HIF1A: variants seen among roughly 807,000 people sequenced by gnomAD.
The protein encoded by HIF1A is hypoxia-inducible factor 1-alpha.
In HIF1A, 24 loss-of-function variants were observed where a neutral mutation model predicts 92.7. The ratio of observed to expected loss-of-function variants is 0.26; its 90% CI spans 0.19 to 0.36. HIF1A has a LOEUF of 0.36. Among genes scored for constraint, HIF1A ranks in the 10% least tolerant of loss-of-function variants. The pLI is 1.00. For synonymous variants in HIF1A, 319 were observed against 338.7 expected, an observed-to-expected ratio of 0.94 and a Z score of 0.64; for missense variants, 799 against 998.5, an observed-to-expected ratio of 0.80 and a Z score of 2.69.
intron 1 of HIF1A, among the ~76,000 whole-genome samples, chr14:61,719,629 C>T (rs570716677): frequency 6.6e-6 from 1 of 152,180 alleles, no homozygotes; most frequent in Admixed American, 6.5e-5. Flanking sequence ...TTCTGATTTC[C>T]TTCTTGGAAG....
intron 8 of HIF1A, 46 bp from the exon 9 acceptor site, chr14:61,736,843 T>TATC: frequency 7.6e-7 from 1 of 1,320,870 alleles, no homozygotes; most frequent in Non-Finnish European, 1.1e-6. Context: ...CCCCTCACTG[T>TATC]ATCAAGTGCT....
At chr14:61,723,618 A>G (rs1957755) in intron 4 of HIF1A, among the ~76,000 whole-genome samples, 149,311 of 152,334 alleles carry the variant, frequency 0.98, 73,237 homozygotes, top group Middle Eastern at 1. Context: ...TATGCTGTGA[A>G]CAAGGACCTA....
chr14:61,707,756 A>C (rs1197161660), intron 1 of HIF1A, among the ~76,000 whole-genome samples: 5 of 150,778 alleles, frequency 3.3e-5, no homozygotes, highest in African/African-American at 9.8e-5. Flanking sequence ...GAATAGTGCC[A>C]CAATAAACAT....
rs780456004 is a variant in HIF1A, at chr14:61,741,080, C to A, written c.1985C>A (p.Thr662Asn). 6.2e-7 allele frequency: 1 copy of A among 1,613,930 alleles called. No homozygotes were observed. The highest frequency in any genetic ancestry group is 1.1e-5 in the South Asian group (1 of 91,086). The change falls in exon 12 of 15, where the codon ACT (threonine) becomes AAT (asparagine). Residue 662 changes from threonine (T) to asparagine (N), a missense_variant. By Grantham distance (65) the Thr-to-Asn change is moderately conservative. Coordinates refer to ENST00000337138, the MANE Select transcript of HIF1A (RefSeq NM_001530.4). Reference protein sequence around the residue: ...TSATSSPYRDTQSRTASPNRA... With the variant: ...TSATSSPYRDNQSRTASPNRA... ...GCCACATCATCACCATATAGAGATA[C>A]TCAAAGTCGGACAGCCTCACCAAAC...
At position 61,720,494 on chromosome 14, in the gene HIF1A, G is replaced by C. The variant is rs61755705; in HGVS notation, c.148G>C (p.Val50Leu). ...LAHQLPLPHNVSSHLDKASVM... is the reference protein window; with the variant it reads ...LAHQLPLPHNLSSHLDKASVM... ...TCATCAGTTGCCACTTCCACATAAT[G>C]TGAGTTCGCATCTTGATAAGGCCTC... is the stretch of plus-strand genomic sequence containing the variant. Residue 50 changes from valine (V) to leucine (L), a missense_variant, in exon 2 of 15, where the codon GTG (valine) becomes CTG (leucine). Coordinates refer to ENST00000337138, the MANE Select transcript of HIF1A (RefSeq NM_001530.4). 4,964 of 1,613,578 alleles carry C rather than the reference G, an allele frequency of 3.1e-3. 16 individuals are homozygous for C. The highest frequency in any genetic ancestry group is 3.6e-3 in the Non-Finnish European group (4,204 of 1,179,722).
Position 61,727,025 on chromosome 14 carries a change from C to T in HIF1A, c.570+207C>T, listed in dbSNP as rs149096087. The stretch of plus-strand genomic sequence containing the variant: ...CAATTTGAGGCACAAACTTAAATTA[C>T]GTGAATTGTGGCACTGGTGTTCCAG... On this transcript the variant is annotated intron_variant, in intron 5 of 14. Transcript: ENST00000337138. Among the ~76,000 whole-genome samples, 414 of 152,304 alleles carry T rather than the reference C, an allele frequency of 2.7e-3. 4 individuals are homozygous for T. The highest frequency in any genetic ancestry group is 9.2e-3 in the African/African-American group (382 of 41,572).
chr14:61,734,373 T>C, intron 8 of HIF1A, 88 bp downstream of exon 8: 1 of 875,204 alleles, frequency 1.1e-6, no homozygotes, highest in Non-Finnish European at 1.7e-6. Context: ...GATAAGATAA[T>C]AAATATTAAC....
intron 1 of HIF1A, among the ~76,000 whole-genome samples, chr14:61,707,481 G>A (rs1163299791): frequency 3.5e-5 from 5 of 143,628 alleles, no homozygotes; most frequent in Admixed American, 6.9e-5. Context: ...AACAGGCCCC[G>A]GCGTGTGATG....
chr14:61,698,040 A>G (rs1022463800), intron 1 of HIF1A: 97 of 681,362 alleles, frequency 1.4e-4, no homozygotes, highest in Non-Finnish European at 2.1e-4. Flanking sequence ...TAGCACGTGC[A>G]TTTTGATTTT....
rs1160674321 is a variant in HIF1A, at chr14:61,746,920, CTT to C, written c.2330-11_2330-10del. On this transcript the variant is annotated splice_polypyrimidine_tract_variant and intron_variant, in intron 14 of 14. Transcript: ENST00000337138. ...TAGATGAATGTATACTTAGGTATCT[CTT>C]TTGTTTTTCAGATTTAGCATGTAGA... The C allele has an allele frequency of 1.3e-6, 2 of 1,586,032 alleles. No homozygotes were observed. The highest frequency in any genetic ancestry group is 1.7e-6 in the Non-Finnish European group (2 of 1,164,076).
At chr14:61,740,703 T>G in intron 11 of HIF1A, 52 bp from the exon 12 acceptor site, 2 of 1,549,662 alleles carry the variant, frequency 1.3e-6, no homozygotes, top group South Asian at 2.4e-5. Flanking sequence ...CACTTGTTTT[T>G]TATTTATAAG....
chr14:61,695,605 G>C lies in HIF1A; in HGVS notation c.-200G>C, dbSNP rs2044103053. 1.6e-6 allele frequency: 1 copy of C among 613,358 alleles called. No homozygotes were observed. 38.0% of individuals were successfully genotyped at this position (613,358 alleles called of 1,614,324 possible). A position where few individuals can be genotyped will look rare whatever the true frequency, so the allele number is the denominator to read the frequency against. On this transcript the variant is annotated 5_prime_UTR_variant, in exon 1 of 15. Coordinates refer to ENST00000337138, the MANE Select transcript of HIF1A (RefSeq NM_001530.4). ...CGGGCTGGGCCCTGACAAGCCACCT[G>C]AGGAGAGGCTCGGAGCCGGGCCCGG...
rs1303881760 is a variant in HIF1A, at chr14:61,724,980, C to T, written c.458-1726C>T. Among the ~76,000 whole-genome samples, 7 of 152,156 alleles carry T rather than the reference C, an allele frequency of 4.6e-5. No homozygotes were observed. In the South Asian group the frequency reaches 6.2e-4, roughly 13 times the overall value. On this transcript the variant is annotated intron_variant, in intron 4 of 14. Coordinates refer to ENST00000337138, the MANE Select transcript of HIF1A (RefSeq NM_001530.4). ...CTAGCTTTGCCTTACTACTCTTCTA[C>T]GTGTACTCTACATTGTGGACAAACT...
At chr14:61,718,480 C>A (rs188904613) in intron 1 of HIF1A, among the ~76,000 whole-genome samples, 2 of 152,284 alleles carry the variant, frequency 1.3e-5, no homozygotes, top group South Asian at 2.1e-4. Context: ...GATACCCCCC[C>A]ATCCTGGGAA....
At chr14:61,742,985 AGAG>A (rs1403705493) in intron 12 of HIF1A, among the ~76,000 whole-genome samples, 1 of 151,926 alleles carries the variant, frequency 6.6e-6, no homozygotes, top group Non-Finnish European at 1.5e-5. Flanking sequence ...TATCAGCTAC[AGAG>A]GATGGGATAT....
intron 1 of HIF1A, among the ~76,000 whole-genome samples, chr14:61,711,336 CTG>C (rs1429299445): frequency 2.0e-5 from 3 of 149,434 alleles, no homozygotes; most frequent in African/African-American, 7.4e-5. Context: ...TCCTGAGTAT[CTG>C]GAACTACAGG....
intron 1 of HIF1A, among the ~76,000 whole-genome samples, chr14:61,705,723 C>A (rs558317956): frequency 1.1e-4 from 16 of 152,252 alleles, no homozygotes; most frequent in Admixed American, 7.2e-4. Flanking sequence ...AATAGTGTTA[C>A]CTAACCCTTT....
chr14:61,709,464 A>G (rs943696809), intron 1 of HIF1A, among the ~76,000 whole-genome samples: 4 of 152,174 alleles, frequency 2.6e-5, no homozygotes, highest in African/African-American at 7.2e-5. Flanking sequence ...GAACCCTCCA[A>G]TGTAAAACAG....
intron 6 of HIF1A, among the ~76,000 whole-genome samples, chr14:61,729,468 C>A (rs12891737): frequency 0.64 from 94,755 of 147,368 alleles, 34,507 homozygotes; most frequent in Non-Finnish European, 0.79. Flanking sequence ...TCTCAAAAAA[C>A]AAAAACAAAA....
Sources: gnomAD v4.1 joint callset for allele counts (sites outside exome capture counted in the v4.1 genomes callset) on GRCh38, gnomAD v4.1.1 for gene constraint, MANE v1.5 for transcripts, NCBI Gene and HGNC (gene_info 2026-07-23, HGNC 2026-07-21) for gene names.